SGCZ: variants seen among roughly 807,000 people sequenced by gnomAD.
The protein encoded by SGCZ is sarcoglycan zeta, also known as zeta-sarcoglycan.
SGCZ carries 40 observed loss-of-function variants against 41.3 expected under a neutral mutation model. The observed-to-expected ratio is 0.97, with a 90% confidence interval of 0.75 to 1.26. SGCZ has a LOEUF of 1.26. Ranked by LOEUF, SGCZ falls within the 50% of genes most tolerant of loss-of-function variation. The probability of loss-of-function intolerance (pLI) is 0.00; values close to 1 mark genes in which losing one functional copy is unlikely to be tolerated. For synonymous variants in SGCZ, 206 were observed against 137.5 expected (o/e 1.50, Z -3.49); for missense variants, 552 against 369.8 (o/e 1.49, Z -4.04).
chr8:14,156,348 C>T (rs577577556), intron 5 of SGCZ, among the ~76,000 whole-genome samples: 1 of 152,040 alleles, frequency 6.6e-6, no homozygotes, highest in South Asian at 2.1e-4. Context: ...GTAGTCCCAG[C>T]TACTCAGGAG....
intron 1 of SGCZ, among the ~76,000 whole-genome samples, chr8:14,798,392 C>T (rs1486301702): frequency 1.3e-5 from 2 of 152,130 alleles, no homozygotes; most frequent in Non-Finnish European, 2.9e-5. Context: ...ATGTTACTTA[C>T]AGGCTTTAAT....
chr8:14,776,462 C>T (rs918920729), intron 1 of SGCZ, among the ~76,000 whole-genome samples: 2 of 151,436 alleles, frequency 1.3e-5, no homozygotes, highest in African/African-American at 4.9e-5. Context: ...TACCCAGTCT[C>T]GGATATGTCT....
intron 1 of SGCZ, among the ~76,000 whole-genome samples, chr8:14,602,792 T>G (rs1805634942): frequency 6.6e-6 from 1 of 152,160 alleles, no homozygotes; most frequent in African/African-American, 2.4e-5. Context: ...GTAATAACCT[T>G]AAACTATGCA....
intron 1 of SGCZ, among the ~76,000 whole-genome samples, chr8:15,024,166 T>C (rs778509210): frequency 6.6e-6 from 1 of 152,224 alleles, no homozygotes; most frequent in East Asian, 1.9e-4. Context: ...ATTTCAACTA[T>C]GGACTTTGCA....
chr8:14,630,682 C>G (rs1196923203), intron 1 of SGCZ, among the ~76,000 whole-genome samples: 1 of 136,466 alleles, frequency 7.3e-6, no homozygotes, highest in Non-Finnish European at 1.6e-5. Context: ...CCATGGAATA[C>G]TATGCAGCCA....
At chr8:14,246,530 G>A (rs760996764) in intron 3 of SGCZ, among the ~76,000 whole-genome samples, 2 of 151,692 alleles carry the variant, frequency 1.3e-5, no homozygotes, top group African/African-American at 2.4e-5. Flanking sequence ...ACACCAGCAT[G>A]GCACATGTAT....
intron 4 of SGCZ, among the ~76,000 whole-genome samples, chr8:14,209,447 G>A (rs1805725070): frequency 6.6e-6 from 1 of 152,006 alleles, no homozygotes. Context: ...ATATACCCCA[G>A]ACAACAATGC....
At chr8:14,225,873 A>T (rs1806354826) in intron 4 of SGCZ, among the ~76,000 whole-genome samples, 1 of 152,098 alleles carries the variant, frequency 6.6e-6, no homozygotes, top group Non-Finnish European at 1.5e-5. Flanking sequence ...CAATAATGAG[A>T]ATCTTTGCGA....
At chr8:14,978,955 C>T (rs765127885) in intron 1 of SGCZ, among the ~76,000 whole-genome samples, 33 of 152,214 alleles carry the variant, frequency 2.2e-4, no homozygotes, top group South Asian at 6.2e-4. Flanking sequence ...TGTGCCACCA[C>T]GCCCAACTAA....
At chr8:15,237,185 A>C (rs1452478755) in intron 1 of SGCZ, among the ~76,000 whole-genome samples, 2 of 152,060 alleles carry the variant, frequency 1.3e-5, no homozygotes, top group African/African-American at 4.8e-5. Flanking sequence ...AGAGGAGGCA[A>C]AGTGGCGGCG....
chr8:14,241,738 G>C (rs1318023817), intron 3 of SGCZ, among the ~76,000 whole-genome samples: 1 of 151,984 alleles, frequency 6.6e-6, no homozygotes, highest in Non-Finnish European at 1.5e-5. Flanking sequence ...CAGTTAGAAA[G>C]GCAACGAGAC....
At chr8:14,544,352 T>C (rs1360166229) in intron 2 of SGCZ, among the ~76,000 whole-genome samples, 1 of 152,100 alleles carries the variant, frequency 6.6e-6, no homozygotes, top group Non-Finnish European at 1.5e-5. Context: ...ATGAAATCAG[T>C]GCACCTTGAA....
chr8:15,179,832 G>C (rs929320499), intron 1 of SGCZ, among the ~76,000 whole-genome samples: 2 of 152,052 alleles, frequency 1.3e-5, no homozygotes, highest in African/African-American at 4.8e-5. Flanking sequence ...CAGAAGTAAA[G>C]GTACTTTTCT....
intron 1 of SGCZ, among the ~76,000 whole-genome samples, chr8:14,878,648 A>C (rs1458620168): frequency 6.6e-6 from 1 of 152,216 alleles, no homozygotes; most frequent in East Asian, 1.9e-4. Flanking sequence ...CTTTCAGAAA[A>C]GCTATGTCAA....
intron 3 of SGCZ, among the ~76,000 whole-genome samples, chr8:14,307,993 G>A (rs1801400881): frequency 6.6e-6 from 1 of 152,068 alleles, no homozygotes; most frequent in African/African-American, 2.4e-5. Context: ...ACAGAGATCT[G>A]TATTTGGGTG....
At chr8:15,184,070 T>G (rs1420577510) in intron 1 of SGCZ, among the ~76,000 whole-genome samples, 1 of 152,168 alleles carries the variant, frequency 6.6e-6, no homozygotes, top group Admixed American at 6.6e-5. Context: ...TTTTTATTTA[T>G]TTTCCGTTTC....
intron 1 of SGCZ, among the ~76,000 whole-genome samples, chr8:14,770,327 C>T (rs930433700): frequency 1.3e-5 from 2 of 151,300 alleles, no homozygotes; most frequent in Non-Finnish European, 2.9e-5. Flanking sequence ...AATACAGAAA[C>T]TGATAACATA....
chr8:15,050,321 A>C (rs555492947), intron 1 of SGCZ, among the ~76,000 whole-genome samples: 1 of 152,290 alleles, frequency 6.6e-6, no homozygotes. Context: ...TGTAGTTCAG[A>C]GGAGAGGTTT....
At position 15,092,670 on chromosome 8, in the gene SGCZ, C is replaced by T. The variant is rs957239197; in HGVS notation, c.39+144915G>A. The stretch of plus-strand genomic sequence containing the variant: ...ATCCTTGGTGATCTTCTTAATATGA[C>T]TTTTAAAATTCCATACTTCAAAAGA... On this transcript the variant is annotated intron_variant, in intron 1 of 7. Coordinates refer to ENST00000382080, the MANE Select transcript of SGCZ (RefSeq NM_139167.4). Among the ~76,000 whole-genome samples the T allele has an allele frequency of 3.9e-5, 6 of 152,242 alleles. 1 individual carries two copies. Among genetic ancestry groups the T allele is most frequent in the Admixed American group, 1.3e-4 (2 of 15,294 alleles).
Sources: allele counts gnomAD v4.1 joint callset (sites outside exome capture counted in the v4.1 genomes callset), GRCh38; gene constraint gnomAD v4.1.1; transcripts MANE v1.5; gene names NCBI Gene and HGNC (gene_info 2026-07-23, HGNC 2026-07-21).